OAS1: variants seen among roughly 807,000 people sequenced by gnomAD.
OAS1 encodes 2'-5'-oligoadenylate synthase 1.
In OAS1, 24 loss-of-function variants were observed where a neutral mutation model predicts 38.5. That is an observed-to-expected ratio of 0.62 (90% CI 0.45 to 0.88). OAS1 has a LOEUF of 0.88. Ranked by LOEUF, OAS1 falls within the 40% of genes least tolerant of loss-of-function variation. OAS1 has a pLI of 0.00. For missense variants in OAS1, 482 were observed against 493.9 expected (o/e 0.98, Z 0.23); for synonymous variants, 169 against 193.9 (o/e 0.87, Z 1.07).
downstream of OAS1, among the ~76,000 whole-genome samples, chr12:112,921,484 C>G (rs2043528310): frequency 6.6e-6 from 1 of 152,206 alleles, no homozygotes; most frequent in South Asian, 2.1e-4. Context: ...GATCAGCCTT[C>G]CATCTACAAC....
Position 112,931,176 on chromosome 12 carries a change from A to G in OAS1, c.1168-702A>G, listed in dbSNP as rs1222249080. Among the ~76,000 whole-genome samples, 2 of 152,218 alleles carry G rather than the reference A, an allele frequency of 1.3e-5. 1 individual carries two copies. Among genetic ancestry groups the G allele is most frequent in the East Asian group, 3.8e-4 (2 of 5,206 alleles). ...GGCAGCTCATTCCACTAATAGGCATAACCATAACCATTGCAGTCTCCACTT... is the reference window on the plus strand; with the variant it reads ...GGCAGCTCATTCCACTAATAGGCATGACCATAACCATTGCAGTCTCCACTT... On this transcript the variant is annotated intron_variant, in intron 6 of 6. Transcript: ENST00000540589.
chr12:112,908,016 G>C (rs1327188383), intron 1 of OAS1, among the ~76,000 whole-genome samples: 1 of 152,326 alleles, frequency 6.6e-6, no homozygotes, highest in East Asian at 1.9e-4. Flanking sequence ...ATAAAGCGCT[G>C]CTTCTCTTGT....
intron 6 of OAS1, among the ~76,000 whole-genome samples, chr12:112,931,725 G>A (rs923751007): frequency 3.9e-5 from 6 of 152,150 alleles, no homozygotes; most frequent in East Asian, 3.8e-4. Context: ...TAAGTGACTC[G>A]CCTGGGACTG....
At chr12:112,913,772 GT>G (rs2043417319) in intron 3 of OAS1, among the ~76,000 whole-genome samples, 1 of 151,846 alleles carries the variant, frequency 6.6e-6, no homozygotes, top group Non-Finnish European at 1.5e-5. Flanking sequence ...GATATTCCTA[GT>G]TATTTTATTT....
At chr12:112,908,402 T>A in intron 1 of OAS1, 134 bp from the exon 2 acceptor site, 2 of 762,044 alleles carry the variant, frequency 2.6e-6, no homozygotes, top group Non-Finnish European at 4.2e-6. Flanking sequence ...TTGTGAGCAT[T>A]ATAGGAGTTT....
intron 4 of OAS1, 124 bp from the exon 5 acceptor site, chr12:112,917,423 G>A (rs1033955019): frequency 1.6e-6 from 2 of 1,281,342 alleles, no homozygotes. Flanking sequence ...ACCCCAGGGA[G>A]CCCTTCCTCA....
At position 112,907,135 on chromosome 12, in the gene OAS1, T is replaced by A. The variant is rs371488150; in HGVS notation, c.96T>A (p.His32Gln). The A allele has an allele frequency of 3.8e-5, 62 of 1,614,090 alleles. No homozygotes were observed. The highest frequency in any genetic ancestry group is 5.3e-5 in the Non-Finnish European group (62 of 1,180,050). The change falls in exon 1 of 6, where the codon CAT becomes CAA. Residue 32 changes from histidine to glutamine, a missense_variant. Coordinates refer to ENST00000202917, the MANE Select transcript of OAS1 (RefSeq NM_016816.4). ...CGTGTTTCCGCATGCAAATCAACCA[T>A]GCCATTGACATCATCTGTGGGTTCC... ...PDTCFRMQIN[H>Q]AIDIICGFLK...
At chr12:112,912,048 T>C (rs1370441938) in intron 3 of OAS1, among the ~76,000 whole-genome samples, 1 of 152,098 alleles carries the variant, frequency 6.6e-6, no homozygotes, top group South Asian at 2.1e-4. Flanking sequence ...GAAGTAAAAT[T>C]TGAATTTGGC....
chr12:112,929,701 C>G (rs1482096887), intron 6 of OAS1, among the ~76,000 whole-genome samples: 4 of 152,048 alleles, frequency 2.6e-5, no homozygotes. Context: ...GTAATTAGCC[C>G]AAAGTCACAC....
At chr12:112,922,261 G>T (rs2043534821), downstream of OAS1, among the ~76,000 whole-genome samples, 2 of 152,122 alleles carry the variant, frequency 1.3e-5, no homozygotes, top group South Asian at 2.1e-4. Context: ...TGTTAATGGG[G>T]TCTAGTCTGA....
At chr12:112,918,851 G>C (rs779225975) in intron 5 of OAS1, 1 of 279,094 alleles carries the variant, frequency 3.6e-6, no homozygotes, top group Admixed American at 4.2e-5. Context: ...GCAGGAATCT[G>C]TCTGATTCCA....
chr12:112,932,161 TC>T, downstream of OAS1: 1 of 346,650 alleles, frequency 2.9e-6, no homozygotes, highest in Non-Finnish European at 5.2e-6. Flanking sequence ...CCTGTCTCCT[TC>T]TCTCTCTCTC....
At chr12:112,909,521 T>C (rs895525161) in intron 2 of OAS1, among the ~76,000 whole-genome samples, 1 of 152,090 alleles carries the variant, frequency 6.6e-6, no homozygotes, top group Non-Finnish European at 1.5e-5. Flanking sequence ...ATTAGCCAAG[T>C]GTGGTGGTAC....
intron 2 of OAS1, 105 bp from the exon 3 acceptor site, chr12:112,910,946 G>A (rs774410991): frequency 7.5e-6 from 8 of 1,065,198 alleles, no homozygotes; most frequent in Non-Finnish European, 1.1e-5. Context: ...TGGGTCTGCT[G>A]CACTTTTCAA....
At chr12:112,915,618 A>G (rs574747044) in intron 3 of OAS1, among the ~76,000 whole-genome samples, 5 of 152,280 alleles carry the variant, frequency 3.3e-5, no homozygotes, top group Non-Finnish European at 1.5e-5. Flanking sequence ...TTTTGGTGCC[A>G]TATGAATTTT....
At chr12:112,929,158 A>G (rs745601061) in intron 6 of OAS1, among the ~76,000 whole-genome samples, 1 of 152,214 alleles carries the variant, frequency 6.6e-6, no homozygotes, top group African/African-American at 2.4e-5. Context: ...GGACCAGAGG[A>G]AATGCCTCCC....
At chr12:112,916,981 C>T (rs2043469543) in intron 4 of OAS1, 1 of 500,270 alleles carries the variant, frequency 2.0e-6, no homozygotes, top group African/African-American at 1.9e-5. Flanking sequence ...AGGTAAGGAG[C>T]TTGTCCAACC....
Position 112,919,731 on chromosome 12 carries a change from A to G in OAS1, c.*178A>G. 6.7e-7 allele frequency: 1 copy of G among 1,487,898 alleles called. No individual in the cohort carries two copies. Among genetic ancestry groups the G allele is most frequent in the Non-Finnish European group, 9.0e-7 (1 of 1,114,668 alleles). 92.2% of individuals were successfully genotyped at this position (1,487,898 alleles called of 1,614,324 possible). The stretch of plus-strand genomic sequence containing the variant: ...TATGCCCTCTATCCTATCATAGATA[A>G]CATTCTCCACAGCCTCACTTCATTC... On this transcript the variant is annotated 3_prime_UTR_variant, in exon 6 of 6. Transcript: ENST00000202917.
Position 112,916,655 on chromosome 12 carries a change from A to C in OAS1, c.801A>C (p.Gln267His), listed in dbSNP as rs1233949855. Reference protein sequence around the residue: ...TVLELVINYQQLCIYWTKYYD... With the variant: ...TVLELVINYQHLCIYWTKYYD... ...TGGAATTAGTCATAAACTACCAGCA[A>C]CTCTGCATCTACTGGACAAAGTATT... is the stretch of plus-strand genomic sequence containing the variant. Residue 267 changes from glutamine (Q) to histidine (H), a missense_variant, in exon 4 of 6, where the codon CAA becomes CAC. By Grantham distance (24) the Gln-to-His change is conservative. Transcript: ENST00000202917. 1 of 1,613,982 alleles carries C rather than the reference A, an allele frequency of 6.2e-7. No homozygotes were observed. Among genetic ancestry groups the C allele is most frequent in the African/African-American group, 1.3e-5 (1 of 74,890 alleles).
Sources: allele counts gnomAD v4.1 joint callset (sites outside exome capture counted in the v4.1 genomes callset), GRCh38; gene constraint gnomAD v4.1.1; transcripts MANE v1.5; gene names NCBI Gene and HGNC (gene_info 2026-07-23, HGNC 2026-07-21).